ENKUR: variants seen among roughly 807,000 people sequenced by gnomAD.
ENKUR encodes the protein enkurin, TRPC channel interacting protein.
In ENKUR, 19 loss-of-function variants were observed where a neutral mutation model predicts 27.6. The ratio of observed to expected loss-of-function variants is 0.69; its 90% CI spans 0.48 to 1.01. The LOEUF is 1.01. Ranked by LOEUF, ENKUR falls within the 50% of genes least tolerant of loss-of-function variation. The pLI, the probability that ENKUR is intolerant of heterozygous loss-of-function variation, is 0.00. For synonymous variants in ENKUR, 117 were observed against 96.9 expected (o/e 1.21, Z -1.22); for missense variants, 312 against 310.5 (o/e 1.00, Z -0.04).
In ENKUR at chr10:24,984,828, C is replaced by T. The variant is rs137882461; in HGVS notation, c.672G>A (p.Lys224=). The T allele has an allele frequency of 1.2e-3, 1,968 of 1,613,720 alleles. 9 individuals are homozygous for T. Among genetic ancestry groups the T allele is most frequent in the Non-Finnish European group, 1.1e-3 (1,338 of 1,179,834 alleles). Residue 224 remains lysine, a synonymous_variant, in exon 5 of 6, where the codon AAG becomes AAA. Transcript: ENST00000331161. ...LSVFIDSIPK[K]IRKQRLEEEM... The stretch of plus-strand genomic sequence containing the variant: ...CTTCTTCCAGCCTCTGCTTGCGGAT[C>T]TTCTTTGGTATAGAATCTATAAAGA...
intron 2 of ENKUR, among the ~76,000 whole-genome samples, chr10:25,044,413 T>C (rs979584753): frequency 6.6e-6 from 1 of 152,146 alleles, no homozygotes; most frequent in Non-Finnish European, 1.5e-5. Flanking sequence ...TGTTTTTTCT[T>C]AGAGATAGCG....
At chr10:24,990,701 G>A (rs1345167774) in intron 3 of ENKUR, 92 bp from the exon 4 acceptor site, 1 of 1,265,676 alleles carries the variant, frequency 7.9e-7, no homozygotes, top group Admixed American at 2.5e-5. Context: ...AAAAAGAAAT[G>A]GTACAGACTA....
intron 2 of ENKUR, among the ~76,000 whole-genome samples, chr10:25,055,027 A>G (rs551389138): frequency 6.6e-6 from 1 of 152,298 alleles, no homozygotes; most frequent in African/African-American, 2.4e-5. Context: ...TCTGATTGAT[A>G]AGTAAATATC....
chr10:25,008,850 C>A (rs948353041), intron 1 of ENKUR, among the ~76,000 whole-genome samples: 1 of 152,158 alleles, frequency 6.6e-6, no homozygotes, highest in African/African-American at 2.4e-5. Context: ...AGACTTGGAA[C>A]CAACCCAAAT....
At chr10:25,024,908 C>A (rs774998745) in intron 2 of ENKUR, 1 of 1,613,764 alleles carries the variant, frequency 6.2e-7, no homozygotes, top group Non-Finnish European at 8.5e-7. Flanking sequence ...ACCTTTTCAC[C>A]GTCAATAGAT....
At chr10:25,005,452 G>A (rs754512651) in intron 1 of ENKUR, among the ~76,000 whole-genome samples, 20 of 151,952 alleles carry the variant, frequency 1.3e-4, no homozygotes, top group Non-Finnish European at 4.4e-5. Flanking sequence ...GTTTGAAAGT[G>A]CTTAATTGAG....
chr10:25,001,082 T>C (rs140819104), intron 1 of ENKUR, among the ~76,000 whole-genome samples: 36 of 152,184 alleles, frequency 2.4e-4, no homozygotes, highest in African/African-American at 8.4e-4. Context: ...GTTCCCTTTA[T>C]ATAATTGTAT....
intron 2 of ENKUR, among the ~76,000 whole-genome samples, chr10:25,051,681 G>C (rs1851187727): frequency 6.6e-6 from 1 of 152,216 alleles, no homozygotes; most frequent in Admixed American, 6.5e-5. Flanking sequence ...CCTCTCACAA[G>C]GCTCCGCCTC....
chr10:25,032,704 C>T (rs1850950565), intron 2 of ENKUR, among the ~76,000 whole-genome samples: 1 of 152,098 alleles, frequency 6.6e-6, no homozygotes, highest in Non-Finnish European at 1.5e-5. Context: ...TCAACTTTCC[C>T]TAGTCTATTA....
At chr10:25,015,239 T>A (rs1203860879) in intron 1 of ENKUR, among the ~76,000 whole-genome samples, 3 of 152,186 alleles carry the variant, frequency 2.0e-5, no homozygotes, top group Non-Finnish European at 4.4e-5. Flanking sequence ...TATGTAAAAT[T>A]TCAACTCAAT....
At chr10:25,015,153 C>T (rs1406351723) in intron 1 of ENKUR, among the ~76,000 whole-genome samples, 2 of 152,154 alleles carry the variant, frequency 1.3e-5, no homozygotes, top group Non-Finnish European at 2.9e-5. Flanking sequence ...TCTAAGAAGT[C>T]CCTACAGATG....
intron 2 of ENKUR, among the ~76,000 whole-genome samples, chr10:25,032,315 G>GGC (rs1850944139): frequency 7.9e-6 from 1 of 126,208 alleles, no homozygotes; most frequent in African/African-American, 4.1e-5. Flanking sequence ...GAGTAAAGAA[G>GGC]GGGGGGGGGC....
In ENKUR at chr10:25,024,380, T is replaced by C. The variant is rs140014237; in HGVS notation, c.38-28511A>G. The C allele has an allele frequency of 3.8e-5, 62 of 1,613,998 alleles. No homozygotes were observed. The African/African-American group carries it at 7.2e-4, about 19-fold the overall frequency. On this transcript the variant is annotated intron_variant, in intron 2 of 5. Coordinates refer to the ENKUR transcript ENST00000615958. The stretch of plus-strand genomic sequence containing the variant: ...ACTTCAGGAGACACAGGGAGTGCAG[T>C]CTTAAATGGTTTTAGTCGTCTAAAT...
chr10:24,988,613 G>A (rs1292457226), intron 4 of ENKUR, among the ~76,000 whole-genome samples: 2 of 112,198 alleles, frequency 1.8e-5, no homozygotes, highest in African/African-American at 3.5e-5. Context: ...GTCACCACTG[G>A]AGGATTATAG....
intron 3 of ENKUR, among the ~76,000 whole-genome samples, chr10:24,991,337 T>C (rs1350451493): frequency 2.0e-5 from 3 of 152,082 alleles, no homozygotes; most frequent in African/African-American, 4.8e-5. Context: ...AAGTCTCTTT[T>C]TCGTGGTCTC....
In ENKUR at chr10:25,015,872, G is replaced by C. The variant is rs375309904; in HGVS notation, c.65C>G (p.Pro22Arg). The change falls in exon 1 of 6, where the codon CCC (proline) becomes CGC (arginine). Residue 22 changes from proline to arginine, a missense_variant. By Grantham distance (103) the Pro-to-Arg change is moderately radical (BLOSUM62 -2). Coordinates refer to ENST00000331161, the MANE Select transcript of ENKUR (RefSeq NM_145010.4). ...CTTATCCACATACCTAGGAGGCTGG[G>C]GAGGCTCCTTCAAGTCACTGGGTAT... ...NLIPSDLKEPPQPPRYISIFK... is the reference protein window; with the variant it reads ...NLIPSDLKEPRQPPRYISIFK... The C allele has an allele frequency of 2.5e-6, 4 of 1,605,240 alleles. No individual in the cohort carries two copies. In the African/African-American group the frequency reaches 5.4e-5, roughly 21 times the overall value.
At chr10:25,040,954 A>G (rs1463340844) in intron 2 of ENKUR, among the ~76,000 whole-genome samples, 2 of 152,224 alleles carry the variant, frequency 1.3e-5, no homozygotes, top group Admixed American at 1.3e-4. Flanking sequence ...TTATATGTCA[A>G]TAAATATATG....
chr10:25,042,569 A>G (rs972535387), intron 2 of ENKUR, among the ~76,000 whole-genome samples: 2 of 152,152 alleles, frequency 1.3e-5, no homozygotes, highest in Middle Eastern at 3.2e-3. Flanking sequence ...TGCTGAGATT[A>G]CAGATGTGAG....
rs1850927573 is a variant in ENKUR, at chr10:25,031,098, T to C, written c.37+30014A>G. 3.3e-5 allele frequency among the ~76,000 whole-genome samples: 5 copies of C among 152,172 alleles called. 1 individual carries two copies. The highest frequency in any genetic ancestry group is 3.3e-4 in the Admixed American group (5 of 15,268). On this transcript the variant is annotated intron_variant, in intron 2 of 5. Coordinates refer to the ENKUR transcript ENST00000615958. ...CACCATTGCACTCCAGCCTGAGTGA[T>C]AGAGTGAGACTCCGTCTCAAAAGTA... is the stretch of plus-strand genomic sequence containing the variant.
Sources: gnomAD v4.1 joint callset for allele counts (sites outside exome capture counted in the v4.1 genomes callset) on GRCh38, gnomAD v4.1.1 for gene constraint, MANE v1.5 for transcripts, NCBI Gene and HGNC (gene_info 2026-07-23, HGNC 2026-07-21) for gene names.